Variants in PHLDB2 observed in about 807,000 individuals in gnomAD.
The protein encoded by PHLDB2 is pleckstrin homology-like domain family B member 2.
A neutral mutation model predicts 123.6 loss-of-function variants in PHLDB2; 71 were observed. The observed-to-expected ratio is 0.57, with a 90% CI of 0.47 to 0.70. The LOEUF is 0.70. Among genes scored for constraint, PHLDB2 ranks in the 30% least tolerant of loss-of-function variants. PHLDB2 has a pLI of 0.00. For missense variants in PHLDB2, 1,446 were observed against 1,519.5 expected (o/e 0.95, Z 0.80); for synonymous variants, 547 against 541.6 (o/e 1.01, Z -0.14).
chr3:111,956,525 C>T (rs2071074658), intron 12 of PHLDB2, among the ~76,000 whole-genome samples: 4 of 152,192 alleles, frequency 2.6e-5, no homozygotes, highest in Admixed American at 2.6e-4. Flanking sequence ...TTATGCAGCT[C>T]AGAAGACTGC....
At chr3:111,878,829 G>T (rs1043775147) in intron 1 of PHLDB2, among the ~76,000 whole-genome samples, 3 of 152,142 alleles carry the variant, frequency 2.0e-5, no homozygotes, top group East Asian at 1.9e-4. Flanking sequence ...TTTATTATTG[G>T]TTCTGATTAT....
intron 1 of PHLDB2, among the ~76,000 whole-genome samples, chr3:111,771,351 C>CT (rs11291070): frequency 5.4e-5 from 8 of 147,050 alleles, no homozygotes; most frequent in African/African-American, 1.5e-4. Context: ...CTGCCTTCAT[C>CT]TTTTTTTTTT....
chr3:111,921,792 C>T (rs964844363), intron 5 of PHLDB2, among the ~76,000 whole-genome samples: 13 of 152,176 alleles, frequency 8.5e-5, no homozygotes, highest in Admixed American at 6.5e-4. Context: ...TCAGTAGAGA[C>T]GGGGTTTCAC....
chr3:111,847,220 TG>T (rs1468676251), intron 2 of PHLDB2, among the ~76,000 whole-genome samples: 4 of 152,180 alleles, frequency 2.6e-5, no homozygotes, highest in Non-Finnish European at 5.9e-5. Context: ...TTCTAAGCAT[TG>T]GAGTGATGAG....
chr3:111,840,719 C>G (rs2063648763), intron 1 of PHLDB2, among the ~76,000 whole-genome samples: 1 of 152,194 alleles, frequency 6.6e-6, no homozygotes, highest in African/African-American at 2.4e-5. Flanking sequence ...CTTCTGCCCT[C>G]AATTTTCTTG....
intron 16 of PHLDB2, 123 bp downstream of exon 16, chr3:111,970,032 A>G: frequency 1.2e-6 from 1 of 810,586 alleles, no homozygotes; most frequent in Non-Finnish European, 2.0e-6. Context: ...TGGCAATATT[A>G]GATTTGTAGG....
chr3:111,779,710 T>A (rs1158264422), intron 1 of PHLDB2: 2 of 346,810 alleles, frequency 5.8e-6, no homozygotes, highest in Admixed American at 1.3e-4. Context: ...TCATTCCACA[T>A]TTTTGCTCTT....
At chr3:111,908,501 T>C (rs1342690787) in intron 2 of PHLDB2, among the ~76,000 whole-genome samples, 1 of 152,226 alleles carries the variant, frequency 6.6e-6, no homozygotes, top group Non-Finnish European at 1.5e-5. Flanking sequence ...CGTTTCCTGA[T>C]GGAGCCAACA....
At chr3:111,803,743 A>G (rs760895943) in intron 1 of PHLDB2, among the ~76,000 whole-genome samples, 3 of 152,216 alleles carry the variant, frequency 2.0e-5, no homozygotes, top group Non-Finnish European at 2.9e-5. Flanking sequence ...TACTTCCCTC[A>G]GCTATAAAAA....
At chr3:111,886,877 G>A (rs2066196652) in intron 2 of PHLDB2, among the ~76,000 whole-genome samples, 1 of 152,166 alleles carries the variant, frequency 6.6e-6, no homozygotes, top group Non-Finnish European at 1.5e-5. Context: ...TTCAGAAGAT[G>A]TTTTAATTAG....
Position 111,975,715 on chromosome 3 carries a change from A to G in PHLDB2, c.*1152A>G, listed in dbSNP as rs997269332. The G allele has an allele frequency of 6.6e-6, 1 of 152,534 alleles. No individual in the cohort carries two copies. The highest frequency in any genetic ancestry group is 2.4e-5 in the African/African-American group (1 of 41,426). The allele number at this position is 152,534 out of a possible 1,614,324, so 9.4% of individuals were successfully genotyped here. ...AAACGACTTCAGGCAAGTCTCTTTT[A>G]TAATGGTTTTTCAAGTGCCATTTAT... is the stretch of plus-strand genomic sequence containing the variant. On this transcript the variant is annotated 3_prime_UTR_variant, in exon 18 of 18. Coordinates refer to ENST00000431670, the MANE Select transcript of PHLDB2 (RefSeq NM_001134438.2).
intron 1 of PHLDB2, among the ~76,000 whole-genome samples, chr3:111,830,507 CAAAAA>C (rs397990816): frequency 8.6e-6 from 1 of 115,844 alleles, no homozygotes; most frequent in African/African-American, 3.3e-5. Flanking sequence ...AGGAACATGG[CAAAAA>C]AAAAAAAAAA....
chr3:111,834,089 T>G (rs2063229286), intron 1 of PHLDB2, among the ~76,000 whole-genome samples: 2 of 122,482 alleles, frequency 1.6e-5, no homozygotes, highest in South Asian at 5.1e-4. Flanking sequence ...ACTATATATG[T>G]AATAGAATTA....
At chr3:111,944,838 A>C (rs1300790997) in intron 8 of PHLDB2, among the ~76,000 whole-genome samples, 1 of 151,858 alleles carries the variant, frequency 6.6e-6, no homozygotes, top group Admixed American at 6.6e-5. Context: ...ACGCCTGGCT[A>C]ATTTTTTTGT....
At chr3:111,886,067 C>CAT (rs2066145286) in intron 2 of PHLDB2, among the ~76,000 whole-genome samples, 3 of 152,152 alleles carry the variant, frequency 2.0e-5, no homozygotes, top group Non-Finnish European at 4.4e-5. Flanking sequence ...GGGAAACATC[C>CAT]CTTGAGAGTC....
At chr3:111,908,891 C>A (rs916349750) in intron 2 of PHLDB2, among the ~76,000 whole-genome samples, 4 of 152,200 alleles carry the variant, frequency 2.6e-5, no homozygotes, top group African/African-American at 9.7e-5. Flanking sequence ...CAGCTTTTCT[C>A]ATTCTACCAC....
At chr3:111,891,881 A>G (rs1267855894) in intron 2 of PHLDB2, among the ~76,000 whole-genome samples, 1 of 152,224 alleles carries the variant, frequency 6.6e-6, no homozygotes. Context: ...AAATTAAAAA[A>G]TGAAAGCAAA....
At chr3:111,967,633 TA>T in intron 14 of PHLDB2, 44 bp from the exon 15 acceptor site, 1 of 1,544,994 alleles carries the variant, frequency 6.5e-7, no homozygotes, top group Non-Finnish European at 8.7e-7. Flanking sequence ...CATTCAAGTA[TA>T]ACCAGTATGT....
At chr3:111,934,091 C>A (rs912692758) in intron 6 of PHLDB2, among the ~76,000 whole-genome samples, 1 of 152,192 alleles carries the variant, frequency 6.6e-6, no homozygotes, top group African/African-American at 2.4e-5. Flanking sequence ...TGCAGACAGT[C>A]TTTTCCATTA....
Sources: gnomAD v4.1 joint callset for allele counts (sites outside exome capture counted in the v4.1 genomes callset) on GRCh38, gnomAD v4.1.1 for gene constraint, MANE v1.5 for transcripts, NCBI Gene and HGNC (gene_info 2026-07-23, HGNC 2026-07-21) for gene names.